The following CTBP2 variants were observed in gnomAD, a reference collection of about 807,000 sequenced individuals.
CTBP2 encodes the protein C-terminal binding protein 2, also known as C-terminal-binding protein 2.
A neutral mutation model predicts 80.3 loss-of-function variants in CTBP2; 30 were observed. The observed-to-expected ratio is 0.37, with a 90% confidence interval of 0.28 to 0.51. CTBP2 has a LOEUF of 0.51. Among genes scored for constraint, CTBP2 ranks in the 20% least tolerant of loss-of-function variants. CTBP2 has a pLI of 0.93. For missense variants in CTBP2, 1,212 were observed against 1,375.3 expected (o/e 0.88, Z 1.88); for synonymous variants, 594 against 587.4 (o/e 1.01, Z -0.16).
At chr10:125,068,964 A>T (rs909696617) in intron 2 of CTBP2, among the ~76,000 whole-genome samples, 2 of 152,060 alleles carry the variant, frequency 1.3e-5, no homozygotes, top group Non-Finnish European at 2.9e-5. Flanking sequence ...AACTTATTTT[A>T]CTGCTGATCC....
At chr10:125,037,253 G>A (rs1325988962) in intron 3 of CTBP2, among the ~76,000 whole-genome samples, 1 of 152,192 alleles carries the variant, frequency 6.6e-6, no homozygotes, top group East Asian at 1.9e-4. Flanking sequence ...TTTTGCCCAA[G>A]TCAGGTTTAT....
chr10:124,993,146 G>T (rs1259193920), intron 7 of CTBP2, 56 bp downstream of exon 9: 13 of 1,563,662 alleles, frequency 8.3e-6, no homozygotes, highest in Non-Finnish European at 1.1e-5. Context: ...ACAGGAGCCG[G>T]CTGCACTGTG....
At chr10:125,129,722 G>A (rs1855838998) in intron 1 of CTBP2, among the ~76,000 whole-genome samples, 1 of 152,214 alleles carries the variant, frequency 6.6e-6, no homozygotes, top group South Asian at 2.1e-4. Context: ...GCGATTCACA[G>A]GAGGCCTGTC....
At chr10:125,096,728 G>A (rs114233517) in intron 2 of CTBP2, among the ~76,000 whole-genome samples, 3,001 of 136,572 alleles carry the variant, frequency 0.022, 105 homozygotes, top group African/African-American at 0.075. Context: ...AAGTCTACAC[G>A]GCATGAAATA....
At position 125,026,413 on chromosome 10, in the gene CTBP2, C is replaced by G. The variant is rs138701702; in HGVS notation, c.1347G>C (p.Ala449=). 7 of 1,606,560 alleles carry G rather than the reference C, an allele frequency of 4.4e-6. No homozygotes were observed. Among genetic ancestry groups the G allele is most frequent in the Non-Finnish European group, 6.0e-6 (7 of 1,174,670 alleles). ...GCAGGGGGTACGTGGGGCTCAGACG[C>G]GCTGTCAGGGCGCAAGGGGTGGGAG... The change falls in exon 1 of 9, where the codon GCG becomes GCC. Residue 449 remains alanine (A), a synonymous_variant. Transcript: ENST00000309035.
intron 1 of CTBP2, among the ~76,000 whole-genome samples, chr10:125,117,794 A>G (rs921630981): frequency 6.6e-6 from 1 of 152,228 alleles, no homozygotes; most frequent in Admixed American, 6.5e-5. Flanking sequence ...TATTCAGGGA[A>G]GGAAAAAACA....
intron 8 of CTBP2, among the ~76,000 whole-genome samples, chr10:124,991,026 G>T (rs945647673): frequency 6.6e-6 from 1 of 152,268 alleles, no homozygotes; most frequent in Admixed American, 6.5e-5. Flanking sequence ...CCCATGGCCT[G>T]AGATGGGAAG....
At chr10:125,011,605 A>C (rs539517085) in intron 1 of CTBP2, among the ~76,000 whole-genome samples, 1 of 151,640 alleles carries the variant, frequency 6.6e-6, no homozygotes, top group South Asian at 2.1e-4. Context: ...CAAAATACAA[A>C]CCCCCCTGAA....
At chr10:125,046,537 C>CA (rs57913854) in intron 2 of CTBP2, among the ~76,000 whole-genome samples, 91 of 114,752 alleles carry the variant, frequency 7.9e-4, no homozygotes, top group Admixed American at 1.4e-3. Flanking sequence ...GACTCTATCT[C>CA]AAAAAAAAAA....
At chr10:125,034,998 G>A (rs893856) in intron 3 of CTBP2, among the ~76,000 whole-genome samples, 28,173 of 152,012 alleles carry the variant, frequency 0.19, 2,894 homozygotes, top group Admixed American at 0.27. Flanking sequence ...TATACGTATG[G>A]ATGACCTTTC....
intron 2 of CTBP2, among the ~76,000 whole-genome samples, chr10:125,107,888 A>G (rs1851698004): frequency 1.3e-5 from 2 of 152,258 alleles, no homozygotes; most frequent in Non-Finnish European, 2.9e-5. Flanking sequence ...TAATATAATA[A>G]AAGTTAAGGG....
intron 1 of CTBP2, among the ~76,000 whole-genome samples, chr10:125,151,985 T>G (rs1429687004): frequency 6.6e-6 from 1 of 152,048 alleles, no homozygotes; most frequent in Non-Finnish European, 1.5e-5. Context: ...GCGGCTCCAT[T>G]TACAAGTGTA....
chr10:125,154,697 T>A (rs1860614397), intron 1 of CTBP2, among the ~76,000 whole-genome samples: 1 of 152,200 alleles, frequency 6.6e-6, no homozygotes, highest in African/African-American at 2.4e-5. Flanking sequence ...GTTAATGATC[T>A]ACATATTATC....
chr10:125,144,787 G>A (rs990482952), intron 1 of CTBP2, among the ~76,000 whole-genome samples: 1 of 152,228 alleles, frequency 6.6e-6, no homozygotes, highest in African/African-American at 2.4e-5. Flanking sequence ...TACATAGATA[G>A]TAATAGTGTG....
At chr10:125,053,036 T>C (rs1294989454) in intron 2 of CTBP2, among the ~76,000 whole-genome samples, 1 of 152,200 alleles carries the variant, frequency 6.6e-6, no homozygotes. Flanking sequence ...CCAAGTGTAC[T>C]TATTTCTTCA....
intron 2 of CTBP2, among the ~76,000 whole-genome samples, chr10:125,102,428 T>C (rs1451728832): frequency 6.6e-6 from 1 of 152,240 alleles, no homozygotes; most frequent in Non-Finnish European, 1.5e-5. Context: ...AAACTCTGCA[T>C]CAATCTGCTC....
At chr10:124,994,773 T>G (rs1316985223) in intron 4 of CTBP2, 90 bp from the exon 7 acceptor site, 1 of 1,311,406 alleles carries the variant, frequency 7.6e-7, no homozygotes, top group Non-Finnish European at 1.1e-6. Flanking sequence ...AGTCCGGGCT[T>G]GGCATCCCCG....
At chr10:125,145,495 A>T (rs1858598301) in intron 1 of CTBP2, among the ~76,000 whole-genome samples, 1 of 152,114 alleles carries the variant, frequency 6.6e-6, no homozygotes, top group African/African-American at 2.4e-5. Context: ...CCCTTGGGGC[A>T]GGGTAGGGCA....
intron 1 of CTBP2, among the ~76,000 whole-genome samples, chr10:125,125,703 C>G (rs1281054125): frequency 1.3e-5 from 2 of 152,158 alleles, no homozygotes; most frequent in African/African-American, 4.8e-5. Flanking sequence ...GCAGAGTGAC[C>G]AGAGTGATGG....
Sources: gnomAD v4.1 joint callset for allele counts (sites outside exome capture counted in the v4.1 genomes callset) on GRCh38, gnomAD v4.1.1 for gene constraint, MANE v1.5 for transcripts, NCBI Gene and HGNC (gene_info 2026-07-23, HGNC 2026-07-21) for gene names.